Variants in CUX1 observed in about 807,000 individuals in gnomAD.
The protein encoded by CUX1 is protein CASP.
Under a neutral mutation model 158.8 loss-of-function variants are expected in CUX1, and 31 were observed. The observed-to-expected ratio is 0.20, with a 90% CI of 0.15 to 0.26. CUX1 has a LOEUF of 0.26. Among genes scored for constraint, CUX1 ranks in the 10% least tolerant of loss-of-function variants. The pLI is 1.00. For missense variants in CUX1, 1,589 were observed against 2,014.6 expected (o/e 0.79, Z 4.04); for synonymous variants, 879 against 862.1 (o/e 1.02, Z -0.34).
At chr7:102,134,345 AAATT>A (rs1833659215) in intron 8 of CUX1, among the ~76,000 whole-genome samples, 1 of 152,124 alleles carries the variant, frequency 6.6e-6, no homozygotes, top group African/African-American at 2.4e-5. Flanking sequence ...TCAAAAATAA[AAATT>A]AAAAAAAATT....
At chr7:102,083,189 T>C (rs147793491) in intron 4 of CUX1, among the ~76,000 whole-genome samples, 1 of 147,582 alleles carries the variant, frequency 6.8e-6, no homozygotes, top group Admixed American at 6.8e-5. Flanking sequence ...TCCTAGTGAA[T>C]GCGTAATGTA....
intron 8 of CUX1, among the ~76,000 whole-genome samples, chr7:102,142,826 G>A (rs1415364824): frequency 1.3e-5 from 2 of 151,292 alleles, no homozygotes; most frequent in East Asian, 3.9e-4. Flanking sequence ...GGAGGCCGAG[G>A]CAGGAGGATC....
intron 15 of CUX1, among the ~76,000 whole-genome samples, chr7:102,198,111 T>A (rs1414657346): frequency 6.6e-6 from 1 of 152,050 alleles, no homozygotes; most frequent in Non-Finnish European, 1.5e-5. Context: ...AATCAAAAGG[T>A]TAGCTGGGCG....
chr7:101,849,504 G>A (rs1396399074), intron 1 of CUX1, among the ~76,000 whole-genome samples: 6 of 152,076 alleles, frequency 3.9e-5, no homozygotes, highest in Non-Finnish European at 5.9e-5. Context: ...TGCAAAGGAC[G>A]TGACCTCTTT....
chr7:102,207,586 G>A (rs1796082525), intron 20 of CUX1, among the ~76,000 whole-genome samples: 1 of 152,090 alleles, frequency 6.6e-6, no homozygotes, highest in Non-Finnish European at 1.5e-5. Context: ...TGAGTAGCTG[G>A]GAATACAGGT....
At chr7:102,109,347 T>C (rs1554489438) in intron 6 of CUX1, among the ~76,000 whole-genome samples, 2 of 152,122 alleles carry the variant, frequency 1.3e-5, no homozygotes, top group Non-Finnish European at 2.9e-5. Context: ...CAAAGAGAAA[T>C]AACATAGCTT....
chr7:102,263,628 A>AGT (rs1790580381), intron 14 of CUX1, among the ~76,000 whole-genome samples: 1 of 151,092 alleles, frequency 6.6e-6, no homozygotes, highest in South Asian at 2.1e-4. Flanking sequence ...AAGGGGTTAA[A>AGT]GTTTTAAATC....
At chr7:102,240,253 T>G (rs1466119707) in intron 23 of CUX1, among the ~76,000 whole-genome samples, 1 of 152,158 alleles carries the variant, frequency 6.6e-6, no homozygotes, top group Non-Finnish European at 1.5e-5. Flanking sequence ...TATATATCTA[T>G]ATTTATAGTT....
In CUX1 at chr7:101,898,941, G is replaced by A. The variant is rs1055851597; in HGVS notation, c.31-17174G>A. On this transcript the variant is annotated intron_variant, in intron 1 of 23. Coordinates refer to ENST00000292535, the MANE Select transcript of CUX1 (RefSeq NM_181552.4). ...TTGGAAGAATAACATACTGAGTGGC[G>A]TGGAAGGCGTTGGTGCACATAGGTG... Among the ~76,000 whole-genome samples, 8 of 152,318 alleles carry A rather than the reference G, an allele frequency of 5.3e-5. No individual in the cohort carries two copies. The East Asian group carries it at 5.8e-4, about 11-fold the overall frequency.
In CUX1 at chr7:102,254,821, G is replaced by A. The variant is rs782432191; in HGVS notation, c.*5779G>A. Reference sequence around the variant, plus strand: ...GCGTGTACTGAATGCCAGTCTGGCCGGCACACTCGAACGCTAAGAGAATGG... The same window carrying A: ...GCGTGTACTGAATGCCAGTCTGGCCAGCACACTCGAACGCTAAGAGAATGG... On this transcript the variant is annotated 3_prime_UTR_variant, in exon 24 of 24. Coordinates refer to ENST00000292535, the MANE Select transcript of CUX1 (RefSeq NM_181552.4). 427 of 985,294 alleles carry A rather than the reference G, an allele frequency of 4.3e-4. 1 individual carries two copies. The highest frequency in any genetic ancestry group is 3.2e-3 in the Admixed American group (52 of 16,256). 61.0% of individuals were successfully genotyped at this position (985,294 alleles called of 1,614,324 possible).
At chr7:101,850,421 C>CTTTTTTT (rs545679696) in intron 1 of CUX1, among the ~76,000 whole-genome samples, 16 of 104,588 alleles carry the variant, frequency 1.5e-4, no homozygotes, top group South Asian at 3.1e-4. Context: ...TTCTTTCTTT[C>CTTTTTTT]TTTTTTTTTT....
intron 8 of CUX1, among the ~76,000 whole-genome samples, chr7:102,122,990 G>A (rs1417958164): frequency 2.0e-5 from 3 of 152,154 alleles, no homozygotes; most frequent in African/African-American, 4.8e-5. Flanking sequence ...CAGAACTCTG[G>A]GAGGCCGAGA....
At chr7:102,009,887 TTTCAGTGAGCC>T (rs1330513800) in intron 2 of CUX1, among the ~76,000 whole-genome samples, 1 of 152,230 alleles carries the variant, frequency 6.6e-6, no homozygotes, top group Non-Finnish European at 1.5e-5. Flanking sequence ...GCAGGCATAA[TTTCAGTGAGCC>T]TTCGTGACTG....
intron 2 of CUX1, among the ~76,000 whole-genome samples, chr7:102,014,519 A>G (rs571735335): frequency 6.6e-6 from 1 of 152,292 alleles, no homozygotes; most frequent in East Asian, 1.9e-4. Context: ...GTGCCCTTGA[A>G]TGGACTTTCT....
chr7:102,278,081 T>C, intron 18 of CUX1: 14 of 1,557,434 alleles, frequency 9.0e-6, no homozygotes, highest in East Asian at 2.3e-5. Context: ...GGCCCTCCCC[T>C]GGCCTCAGCT....
chr7:102,204,993 C>T, intron 19 of CUX1, 121 bp from the exon 20 acceptor site: 1 of 703,334 alleles, frequency 1.4e-6, no homozygotes, highest in Middle Eastern at 4.0e-4. Context: ...CCCGTGGGTC[C>T]CCATGCCCGC....
rs1789885743 is a variant in CUX1, at chr7:102,256,271, T to G, written c.*7229T>G. The G allele has an allele frequency of 1.0e-6, 1 of 985,344 alleles. No individual in the cohort carries two copies. The highest frequency in any genetic ancestry group is 6.1e-5 in the Admixed American group (1 of 16,266). The allele number at this position is 985,344 out of a possible 1,614,324, so 61.0% of individuals were successfully genotyped here. A position where few individuals can be genotyped will look rare whatever the true frequency, so the allele number is the denominator to read the frequency against. ...TGAAATGGACTGACTGCTACTGACC[T>G]GCCGGCGTGCGTGAGGGTGATTATA... is the stretch of plus-strand genomic sequence containing the variant. On this transcript the variant is annotated 3_prime_UTR_variant, in exon 24 of 24. Coordinates refer to ENST00000292535, the MANE Select transcript of CUX1 (RefSeq NM_181552.4).
Position 102,053,103 on chromosome 7 carries a change from G to A in CUX1, c.190-17236G>A, listed in dbSNP as rs1191437879. On this transcript the variant is annotated intron_variant, in intron 3 of 23. Transcript: ENST00000292535. The stretch of plus-strand genomic sequence containing the variant: ...GGGATTATAGGCGTGAGCCACCGCA[G>A]CCGGCCCCATTATATGTCTTTTTGA... Among the ~76,000 whole-genome samples, 4 of 152,090 alleles carry A rather than the reference G, an allele frequency of 2.6e-5. 1 individual carries two copies. The highest frequency in any genetic ancestry group is 2.0e-4 in the Admixed American group (3 of 15,256).
intron 20 of CUX1, among the ~76,000 whole-genome samples, chr7:102,216,608 A>ACTCACT (rs782157499): frequency 4.4e-5 from 3 of 67,694 alleles, no homozygotes; most frequent in Non-Finnish European, 8.7e-5. Context: ...CCACACACAC[A>ACTCACT]CACACACTCC....
Sources: gnomAD v4.1 joint callset for allele counts (sites outside exome capture counted in the v4.1 genomes callset) on GRCh38, gnomAD v4.1.1 for gene constraint, MANE v1.5 for transcripts, NCBI Gene and HGNC (gene_info 2026-07-23, HGNC 2026-07-21) for gene names.